Variants in TNRC18 observed in about 807,000 individuals in gnomAD.
The protein encoded by TNRC18 is trinucleotide repeat-containing gene 18 protein.
A neutral mutation model predicts 226.7 loss-of-function variants in TNRC18; 69 were observed. That is an observed-to-expected ratio of 0.30 (90% CI 0.25 to 0.37). The LOEUF (loss-of-function observed/expected upper bound fraction) is 0.37. TNRC18 is among the 10% of genes least tolerant of loss of function. The pLI, the probability that TNRC18 is intolerant of heterozygous loss-of-function variation, is 1.00. For missense variants in TNRC18, 4,754 were observed against 4,256.6 expected (o/e 1.12, Z -3.25); for synonymous variants, 2,449 against 1,927.6 (o/e 1.27, Z -7.09).
chr7:5,343,483 C>T (rs539889726), intron 18 of TNRC18, among the ~76,000 whole-genome samples: 24 of 152,246 alleles, frequency 1.6e-4, no homozygotes, highest in African/African-American at 2.2e-4. Flanking sequence ...AGTGCAGTGG[C>T]GCATTCTCGG....
intron 3 of TNRC18, among the ~76,000 whole-genome samples, chr7:5,393,966 C>T (rs1305390472): frequency 6.6e-6 from 1 of 152,122 alleles, no homozygotes; most frequent in Non-Finnish European, 1.5e-5. Context: ...CCTCCACCTC[C>T]CAAACTGTTG....
chr7:5,308,991 C>A (rs1786911832), intron 28 of TNRC18, 42 bp from the exon 29 acceptor site: 1 of 1,569,420 alleles, frequency 6.4e-7, no homozygotes, highest in Non-Finnish European at 8.6e-7. Flanking sequence ...AGCCCGGGGG[C>A]TGCTGCACCC....
chr7:5,336,462 G>A (rs1039394052), intron 18 of TNRC18, among the ~76,000 whole-genome samples: 11 of 152,128 alleles, frequency 7.2e-5, no homozygotes, highest in Non-Finnish European at 1.3e-4. Flanking sequence ...GTATAGAACT[G>A]GCTAGGCACA....
chr7:5,321,148 C>T lies in TNRC18; in HGVS notation c.6485G>A (p.Gly2162Asp). 3 of 1,553,998 alleles carry T rather than the reference C, an allele frequency of 1.9e-6. No homozygotes were observed. The highest frequency in any genetic ancestry group is 2.6e-6 in the Non-Finnish European group (3 of 1,149,544). Reference sequence around the variant, plus strand: ...ATCCATGGGGATGAGCACACGCAGGCCGTCCTTCAGCTCATCCTTGTCGAT... The same window carrying T: ...ATCCATGGGGATGAGCACACGCAGGTCGTCCTTCAGCTCATCCTTGTCGAT... ...CIIDKDELKD[G>D]LRVLIPMDDK... The change falls in exon 22 of 30, where the codon GGC becomes GAC. Residue 2162 changes from glycine to aspartate, a missense_variant. Physicochemically the swap from Gly to Asp is moderately conservative, Grantham distance 94. Transcript: ENST00000430969.
At position 5,371,209 on chromosome 7, in the gene TNRC18, C is replaced by A; in HGVS notation, c.3385G>T (p.Glu1129Ter). 2 of 1,605,164 alleles carry A rather than the reference C, an allele frequency of 1.2e-6. No homozygotes were observed. Among genetic ancestry groups the A allele is most frequent in the Non-Finnish European group, 8.5e-7 (1 of 1,174,048 alleles). ...DGPERLALSPEDKPIRLSPSK... is the reference protein window; with the variant it reads ...DGPERLALSP ...GGGGACAAGCGGATGGGCTTGTCTT[C>A]GGGTGAGAGTGCCAGGCGCTCGGGC... Residue 1129 changes from glutamate to a stop codon, truncating the protein, a stop_gained, in exon 11 of 30, where the codon GAA (glutamate) becomes TAA (stop). Transcript: ENST00000430969. LOFTEE classifies it high-confidence loss of function.
chr7:5,337,506 A>G (rs982192543), intron 18 of TNRC18, among the ~76,000 whole-genome samples: 1 of 151,626 alleles, frequency 6.6e-6, no homozygotes, highest in Non-Finnish European at 1.5e-5. Flanking sequence ...AACACCAAGA[A>G]AATTCCTCAC....
chr7:5,340,440 AG>A (rs1048284202), intron 18 of TNRC18, among the ~76,000 whole-genome samples: 1 of 152,174 alleles, frequency 6.6e-6, no homozygotes, highest in Non-Finnish European at 1.5e-5. Flanking sequence ...ATGAGGTGTA[AG>A]GAAAGAAGCT....
intron 17 of TNRC18, among the ~76,000 whole-genome samples, chr7:5,346,451 G>A (rs930303675): frequency 7.2e-5 from 11 of 152,094 alleles, no homozygotes; most frequent in African/African-American, 2.2e-4. Flanking sequence ...AGCTGAGATC[G>A]CATCACTGCA....
intron 21 of TNRC18, among the ~76,000 whole-genome samples, chr7:5,322,629 G>A (rs905125078): frequency 6.6e-6 from 1 of 152,156 alleles, no homozygotes; most frequent in Non-Finnish European, 1.5e-5. Context: ...TCTTTCTGGC[G>A]GAAATGAATG....
chr7:5,321,378 G>A (rs561973437), intron 21 of TNRC18, among the ~76,000 whole-genome samples, 188 bp from the exon 22 acceptor site: 4 of 152,272 alleles, frequency 2.6e-5, no homozygotes, highest in South Asian at 2.1e-4. Context: ...GTGTACCAGT[G>A]AGCATGTACA....
Position 5,307,423 on chromosome 7 carries a change from C to G in TNRC18, c.*683G>C, listed in dbSNP as rs1393812726. 3.0e-6 allele frequency: 1 copy of G among 331,666 alleles called. No homozygotes were observed. Among genetic ancestry groups the G allele is most frequent in the South Asian group, 2.1e-5 (1 of 46,648 alleles). The allele number at this position is 331,666 out of a possible 1,614,324, so 20.5% of individuals were successfully genotyped here. A position where few individuals can be genotyped will look rare whatever the true frequency, so the allele number is the denominator to read the frequency against. On this transcript the variant is annotated 3_prime_UTR_variant, in exon 30 of 30. Coordinates refer to ENST00000430969, the MANE Select transcript of TNRC18 (RefSeq NM_001080495.3). ...GGAGGGGCCAGGCGTGGCCGGGCGA[C>G]AGTTTCAGCACCATTGGGGTTTTCT...
intron 18 of TNRC18, among the ~76,000 whole-genome samples, chr7:5,334,829 G>A (rs1256597369): frequency 6.6e-6 from 1 of 152,146 alleles, no homozygotes; most frequent in Admixed American, 6.6e-5. Flanking sequence ...TCACGTGGAA[G>A]GCAGAGAGTG....
intron 19 of TNRC18, 42 bp from the exon 20 acceptor site, chr7:5,325,290 G>C (rs1788784198): frequency 2.0e-6 from 3 of 1,537,754 alleles, no homozygotes; most frequent in Non-Finnish European, 2.6e-6. Context: ...AAACGGCAGG[G>C]AAAGCACAGG....
At position 5,388,897 on chromosome 7, in the gene TNRC18, G is replaced by A; in HGVS notation, c.927C>T (p.Ala309=). Residue 309 remains alanine, a synonymous_variant, in exon 5 of 30, where the codon GCC becomes GCT. Coordinates refer to ENST00000430969, the MANE Select transcript of TNRC18 (RefSeq NM_001080495.3). ...EAGRGGAKEA[A]RQDEGARLLR... is the part of the protein sequence containing the mutation. ...GCAGCCGCGCGCCCTCGTCCTGCCG[G>A]GCAGCCTCCTTGGCACCCCCGCGCC... is the stretch of plus-strand genomic sequence containing the variant. 2.9e-6 allele frequency: 4 copies of A among 1,359,254 alleles called. No individual in the cohort carries two copies. Among genetic ancestry groups the A allele is most frequent in the Non-Finnish European group, 3.8e-6 (4 of 1,052,192 alleles). The allele number at this position is 1,359,254 out of a possible 1,614,324, so 84.2% of individuals were successfully genotyped here. A position where few individuals can be genotyped will look rare whatever the true frequency, so the allele number is the denominator to read the frequency against.
intron 5 of TNRC18, among the ~76,000 whole-genome samples, chr7:5,385,494 C>CAAAAAAAAAAAAAAAA (rs60919833): frequency 5.7e-5 from 5 of 88,126 alleles, no homozygotes; most frequent in Admixed American, 1.4e-4. Context: ...GACTCCGTCT[C>CAAAAAAAAAAAAAAAA]AAAAAAAAAA....
intron 11 of TNRC18, among the ~76,000 whole-genome samples, chr7:5,364,462 AACACACACACACACAC>A (rs58752853): frequency 2.2e-3 from 257 of 116,712 alleles, no homozygotes; most frequent in South Asian, 3.2e-3. Flanking sequence ...TCTCAAAGAA[AACACACACACACACAC>A]ACACACACAC....
At position 5,307,277 on chromosome 7, in the gene TNRC18, ATCTT is replaced by A; in HGVS notation, c.*825_*828del. 1.3e-5 allele frequency: 2 copies of A among 149,180 alleles called. No individual in the cohort carries two copies. The highest frequency in any genetic ancestry group is 2.4e-5 in the African/African-American group (1 of 40,902). The allele number at this position is 149,180 out of a possible 1,614,324, so 9.2% of individuals were successfully genotyped here. On this transcript the variant is annotated 3_prime_UTR_variant, in exon 30 of 30. Coordinates refer to ENST00000430969, the MANE Select transcript of TNRC18 (RefSeq NM_001080495.3). ...TTTATATATATATTTATATATATTT[ATCTT>A]TATATATATAATTAAAAAGTTGACT...
intron 2 of TNRC18, among the ~76,000 whole-genome samples, chr7:5,399,524 T>C (rs1780933389): frequency 6.7e-6 from 1 of 150,066 alleles, no homozygotes; most frequent in African/African-American, 2.5e-5. Flanking sequence ...CTGGCAGACA[T>C]GGTAAAACCC....
chr7:5,314,041 C>T (rs1787589010), intron 26 of TNRC18, among the ~76,000 whole-genome samples, 178 bp from the exon 27 acceptor site: 1 of 152,052 alleles, frequency 6.6e-6, no homozygotes, highest in South Asian at 2.1e-4. Context: ...CATTGCAGCC[C>T]TAACCTGCCT....
Sources: allele counts gnomAD v4.1 joint callset (sites outside exome capture counted in the v4.1 genomes callset), GRCh38; gene constraint gnomAD v4.1.1; transcripts MANE v1.5; gene names NCBI Gene and HGNC (gene_info 2026-07-23, HGNC 2026-07-21).